The following WNT7B variants were observed in gnomAD, a reference collection of about 807,000 sequenced individuals.
WNT7B encodes the protein protein Wnt-7b.
Under a neutral mutation model 38.2 loss-of-function variants are expected in WNT7B, and 19 were observed. The ratio of observed to expected loss-of-function variants is 0.50; its 90% CI spans 0.35 to 0.73. The LOEUF (loss-of-function observed/expected upper bound fraction) is 0.73, where lower values mean the gene tolerates loss of function less well. Among genes scored for constraint, WNT7B ranks in the 30% least tolerant of loss-of-function variants. The pLI, the probability that WNT7B is intolerant of heterozygous loss-of-function variation, is 0.01. For missense variants in WNT7B, 423 were observed against 507.9 expected (o/e 0.83, Z 1.61); for synonymous variants, 243 against 209.3 (o/e 1.16, Z -1.39).
intron 1 of WNT7B, among the ~76,000 whole-genome samples, chr22:45,973,416 T>C (rs551995921): frequency 1.8e-4 from 28 of 152,194 alleles, no homozygotes; most frequent in South Asian, 4.1e-4. Context: ...GGAAGAGGAT[T>C]TTCTAACTTC....
intron 1 of WNT7B, among the ~76,000 whole-genome samples, chr22:45,973,108 G>C (rs553104156): frequency 6.6e-6 from 1 of 152,386 alleles, no homozygotes; most frequent in South Asian, 2.1e-4. Context: ...ATCGCCAGCA[G>C]GTGCTGCTCT....
intron 2 of WNT7B, 67 bp from the exon 3 acceptor site, chr22:45,931,436 G>T (rs2146713705): frequency 6.7e-7 from 1 of 1,483,426 alleles, no homozygotes; most frequent in Middle Eastern, 2.5e-4. Flanking sequence ...CAGGGGACAG[G>T]GTGCCGGGCC....
At position 45,975,603 on chromosome 22, in the gene WNT7B, C is replaced by G. The variant is rs1932533919; in HGVS notation, c.71+1081G>C. ...GTGATGGAGAGACGATTCCCAGCGC[C>G]TGCTTCCACCTCTCCGCCTGGGAAG... On this transcript the variant is annotated intron_variant, in intron 1 of 3. Coordinates refer to ENST00000339464, the MANE Select transcript of WNT7B (RefSeq NM_058238.3). This position sits in a 1 kb window ranked among gnomAD's most constrained non-coding sequence, Gnocchi z 6.6. The G allele has an allele frequency of 1.4e-6, 1 of 716,282 alleles. No individual in the cohort carries two copies. The highest frequency in any genetic ancestry group is 2.6e-6 in the Non-Finnish European group (1 of 384,454). The allele number at this position is 716,282 out of a possible 1,614,324, so 44.4% of individuals were successfully genotyped here.
At chr22:45,932,959 T>C (rs1480018891) in intron 2 of WNT7B, among the ~76,000 whole-genome samples, 1 of 152,242 alleles carries the variant, frequency 6.6e-6, no homozygotes, top group African/African-American at 2.4e-5. Flanking sequence ...AAGTCAGGTC[T>C]GTTCTATGAA....
At chr22:45,973,048 T>G (rs962263894) in intron 1 of WNT7B, among the ~76,000 whole-genome samples, 4 of 152,230 alleles carry the variant, frequency 2.6e-5, no homozygotes, top group African/African-American at 7.2e-5. Context: ...GTGCTGAGCT[T>G]GCACGACCCT....
Position 45,966,407 on chromosome 22 carries a change from C to G in WNT7B, c.71+10277G>C, listed in dbSNP as rs1010378329. Among the ~76,000 whole-genome samples the G allele has an allele frequency of 6.6e-6, 1 of 152,224 alleles. No homozygotes were observed. The highest frequency in any genetic ancestry group is 1.5e-5 in the Non-Finnish European group (1 of 68,038). ...CCACCAGTCCTTGTGCCCGGGCTCC[C>G]TCCGGCCTGGCCCATTCAGAGCTCC... On this transcript the variant is annotated intron_variant, in intron 1 of 3. Coordinates refer to ENST00000339464, the MANE Select transcript of WNT7B (RefSeq NM_058238.3). This position sits in a 1 kb window ranked among gnomAD's most constrained non-coding sequence, Gnocchi z 4.2.
At chr22:45,950,842 G>T (rs1931915701) in intron 1 of WNT7B, among the ~76,000 whole-genome samples, 1 of 152,252 alleles carries the variant, frequency 6.6e-6, no homozygotes, top group Non-Finnish European at 1.5e-5. Context: ...TCCTGTCAGG[G>T]TGACTGGGTG....
intron 1 of WNT7B, chr22:45,972,116 G>GCCCCCCCCCCCCCCCCCCCCCCCCCCCC: frequency 1.9e-6 from 1 of 530,746 alleles, no homozygotes; most frequent in Non-Finnish European, 3.3e-6. Flanking sequence ...CCCGGGGGGA[G>GCCCCCCCCCCCCCCCCCCCCCCCCCCCC]CCCACCCGCC....
intron 1 of WNT7B, among the ~76,000 whole-genome samples, chr22:45,957,461 GTCA>G (rs1932092427): frequency 6.6e-6 from 1 of 151,762 alleles, no homozygotes; most frequent in East Asian, 1.9e-4. Context: ...AGGCGAGTGG[GTCA>G]CCTAAGGTCA....
At chr22:45,971,979 C>A (rs1932452525) in intron 1 of WNT7B, among the ~76,000 whole-genome samples, 1 of 152,192 alleles carries the variant, frequency 6.6e-6, no homozygotes, top group African/African-American at 2.4e-5. Context: ...CCAAGTGCTC[C>A]ACCTCGGCAG....
chr22:45,929,395 T>TCCTTCCATCCAC (rs948043012), intron 3 of WNT7B, among the ~76,000 whole-genome samples: 6 of 144,574 alleles, frequency 4.2e-5, no homozygotes, highest in Non-Finnish European at 6.2e-5. Flanking sequence ...CACCCATCCA[T>TCCTTCCATCCAC]CCTTCCATCC....
chr22:45,944,638 C>T (rs1277868785), intron 2 of WNT7B, among the ~76,000 whole-genome samples: 2 of 152,234 alleles, frequency 1.3e-5, no homozygotes, highest in African/African-American at 2.4e-5. Context: ...GGCCTGCAGA[C>T]CACCAAGGTG....
chr22:45,953,246 CCG>C (rs1370597720), intron 1 of WNT7B, among the ~76,000 whole-genome samples: 2 of 107,612 alleles, frequency 1.9e-5, no homozygotes, highest in Non-Finnish European at 4.1e-5. Context: ...CTCACAGTCA[CCG>C]TGTCCTCGGC....
rs1931889621 is a variant in WNT7B, at chr22:45,949,907, G to A, written c.298+13C>T. 1 of 1,601,060 alleles carries A rather than the reference G, an allele frequency of 6.2e-7. No homozygotes were observed. The highest frequency in any genetic ancestry group is 1.3e-5 in the African/African-American group (1 of 74,722). On this transcript the variant is annotated intron_variant, in intron 2 of 3. Transcript: ENST00000339464. ...ACAATGGCTGGGCCCCTTGAGCCCA[G>A]AGGCGCCCTTACCTACTCGGAGCTC...
In WNT7B at chr22:45,937,087, G is replaced by A. The variant is rs1931532217; in HGVS notation, c.299-5718C>T. Among the ~76,000 whole-genome samples, 4 of 152,220 alleles carry A rather than the reference G, an allele frequency of 2.6e-5. No homozygotes were observed. In the South Asian group the frequency reaches 8.3e-4, roughly 32 times the overall value. ...TGCCCTCCTAGGAGGAGAGCCAGGA[G>A]TCTGCAGCCTCAGTGCTGGGAAGGC... is the stretch of plus-strand genomic sequence containing the variant. On this transcript the variant is annotated intron_variant, in intron 2 of 3. Coordinates refer to ENST00000339464, the MANE Select transcript of WNT7B (RefSeq NM_058238.3).
intron 2 of WNT7B, among the ~76,000 whole-genome samples, chr22:45,935,304 G>A (rs116935712): frequency 0.01 from 1,567 of 152,258 alleles, 16 homozygotes; most frequent in Admixed American, 0.016. Flanking sequence ...CCAGTGCCTT[G>A]GCCTGGCCCC....
chr22:45,951,846 C>T lies in WNT7B; in HGVS notation c.72-1700G>A, dbSNP rs111448080. On this transcript the variant is annotated intron_variant, in intron 1 of 3. Transcript: ENST00000339464. The surrounding 1 kb of genome is among the most constrained non-coding windows in gnomAD (Gnocchi z 4.8). ...TGTGAGTGATGCCGCCATGAACGTG[C>T]GGGTAAGGTTTCTGTTTGAGCCTGT... is the stretch of plus-strand genomic sequence containing the variant. Among the ~76,000 whole-genome samples the T allele has an allele frequency of 2.0e-3, 298 of 152,262 alleles. 2 individuals carry two copies. The highest frequency in any genetic ancestry group is 7.0e-3 in the African/African-American group (289 of 41,544).
chr22:45,976,924 GC>G lies in WNT7B; in HGVS notation c.-171del. On this transcript the variant is annotated 5_prime_UTR_variant, in exon 1 of 4. Transcript: ENST00000339464. The surrounding 1 kb of genome is among the most constrained non-coding windows in gnomAD (Gnocchi z 8.5). ...TCGGCGCGCGCTGCCACCATGGTGAGCCCGGGATGCCGCCGCCGCCACCGCC... is the reference window on the plus strand; with the variant it reads ...TCGGCGCGCGCTGCCACCATGGTGAGCCGGGATGCCGCCGCCGCCACCGCC... 1 of 990,856 alleles carries G rather than the reference GC, an allele frequency of 1.0e-6. No homozygotes were observed. Among genetic ancestry groups the G allele is most frequent in the Non-Finnish European group, 1.2e-6 (1 of 833,994 alleles). The allele number at this position is 990,856 out of a possible 1,614,324, so 61.4% of individuals were successfully genotyped here.
chr22:45,957,379 C>T (rs1932090200), intron 1 of WNT7B, among the ~76,000 whole-genome samples: 1 of 151,632 alleles, frequency 6.6e-6, no homozygotes, highest in Non-Finnish European at 1.5e-5. Flanking sequence ...AGGCTTCTTA[C>T]AATAATTAAA....
Sources: allele counts gnomAD v4.1 joint callset (sites outside exome capture counted in the v4.1 genomes callset), GRCh38; gene constraint gnomAD v4.1.1; non-coding constraint Gnocchi (gnomAD v3.1); transcripts MANE v1.5; gene names NCBI Gene and HGNC (gene_info 2026-07-23, HGNC 2026-07-21).